DDHD1: variants seen among roughly 807,000 people sequenced by gnomAD.
DDHD1 encodes phospholipase DDHD1.
DDHD1 carries 49 observed loss-of-function variants against 96.4 expected under a neutral mutation model. That is an observed-to-expected ratio of 0.51 (90% CI 0.40 to 0.64). The LOEUF is 0.64. Ranked by LOEUF, DDHD1 falls within the 30% of genes least tolerant of loss-of-function variation. DDHD1 has a pLI of 0.00. For missense variants in DDHD1, 1,106 were observed against 1,161.2 expected, an observed-to-expected ratio of 0.95 and a Z score of 0.69; for synonymous variants, 442 against 446.5, an observed-to-expected ratio of 0.99 and a Z score of 0.13.
At chr14:53,096,081 TA>T in intron 2 of DDHD1, 1 of 942,800 alleles carries the variant, frequency 1.1e-6, no homozygotes. Context: ...GCCAGGAATA[TA>T]ACTACATGGA....
At chr14:53,047,836 T>C (rs1482521835) in intron 12 of DDHD1, among the ~76,000 whole-genome samples, 1 of 152,212 alleles carries the variant, frequency 6.6e-6, no homozygotes, top group Non-Finnish European at 1.5e-5. Flanking sequence ...AATATGACAT[T>C]TTGATCCTTA....
chr14:53,152,223 G>A, intron 1 of DDHD1, 38 bp downstream of exon 1: 2 of 1,549,460 alleles, frequency 1.3e-6, no homozygotes, highest in Non-Finnish European at 8.7e-7. Context: ...CCCATGCAGG[G>A]GCAGCCCGTC....
intron 4 of DDHD1, among the ~76,000 whole-genome samples, chr14:53,090,041 AC>A (rs778974231): frequency 1.3e-5 from 2 of 152,230 alleles, no homozygotes; most frequent in Non-Finnish European, 2.9e-5. Context: ...AAGTCAAAGA[AC>A]CTCATCAAAA....
intron 12 of DDHD1, among the ~76,000 whole-genome samples, chr14:53,050,277 G>A (rs1056651362): frequency 2.0e-5 from 3 of 152,152 alleles, no homozygotes; most frequent in Admixed American, 6.5e-5. Context: ...AGAAATACAA[G>A]TTAGTTTTCT....
At chr14:53,115,181 A>G (rs1271199062) in intron 1 of DDHD1, among the ~76,000 whole-genome samples, 2 of 152,240 alleles carry the variant, frequency 1.3e-5, no homozygotes, top group Non-Finnish European at 2.9e-5. Context: ...AGAGAAAAAA[A>G]GAATGAAAAG....
At chr14:53,120,628 CT>C (rs1257364594) in intron 1 of DDHD1, among the ~76,000 whole-genome samples, 3 of 152,104 alleles carry the variant, frequency 2.0e-5, no homozygotes, top group African/African-American at 7.2e-5. Context: ...GAACAGAGAC[CT>C]CAGAAATAGC....
intron 1 of DDHD1, among the ~76,000 whole-genome samples, chr14:53,112,555 T>C (rs1888190222): frequency 6.6e-6 from 1 of 152,248 alleles, no homozygotes; most frequent in Non-Finnish European, 1.5e-5. Context: ...ACTAAGTTTT[T>C]TGCATGCTCT....
At position 53,038,916 on chromosome 14, in the gene DDHD1, GA is replaced by G. The variant is rs1287264819; in HGVS notation, c.*7851del. 6.6e-6 allele frequency: 1 copy of G among 152,210 alleles called. No individual in the cohort carries two copies. Among genetic ancestry groups the G allele is most frequent in the East Asian group, 1.9e-4 (1 of 5,198 alleles). 9.4% of individuals were successfully genotyped at this position (152,210 alleles called of 1,614,324 possible). A position where few individuals can be genotyped will look rare whatever the true frequency, so the allele number is the denominator to read the frequency against. On this transcript the variant is annotated 3_prime_UTR_variant, in exon 13 of 13. Coordinates refer to ENST00000673822, the MANE Select transcript of DDHD1 (RefSeq NM_001160148.2). ...CAGCCAATAGATCTTCAGCAAAGCT[GA>G]TACAAGCAAGCAATGGGGAAAGGAA...
chr14:53,144,702 G>C (rs984779156), intron 1 of DDHD1, among the ~76,000 whole-genome samples: 1 of 152,196 alleles, frequency 6.6e-6, no homozygotes, highest in Non-Finnish European at 1.5e-5. Flanking sequence ...TACAGAATGA[G>C]AATAACAGAC....
rs1432740229 is a variant in DDHD1, at chr14:53,153,099, G to A, written c.-1C>T. On this transcript the variant is annotated 5_prime_UTR_variant, in exon 1 of 13. Transcript: ENST00000673822. ...GGGACCCGCGGCCCGGGTAATTCAT[G>A]CTGTGGAGACGCCGCCGGCTGTCCG... The A allele has an allele frequency of 1.4e-6, 2 of 1,406,946 alleles. No homozygotes were observed. The highest frequency in any genetic ancestry group is 1.6e-5 in the South Asian group (1 of 63,760). 87.2% of individuals were successfully genotyped at this position (1,406,946 alleles called of 1,614,324 possible). A position where few individuals can be genotyped will look rare whatever the true frequency, so the allele number is the denominator to read the frequency against.
intron 1 of DDHD1, among the ~76,000 whole-genome samples, chr14:53,117,616 C>T (rs1047067582): frequency 6.6e-6 from 1 of 151,998 alleles, no homozygotes; most frequent in Non-Finnish European, 1.5e-5. Context: ...ATTGCTGGGG[C>T]TTAAGTAGCT....
chr14:53,057,599 A>G (rs1455203298), intron 9 of DDHD1, among the ~76,000 whole-genome samples: 1 of 152,202 alleles, frequency 6.6e-6, no homozygotes, highest in African/African-American at 2.4e-5. Flanking sequence ...AGGATTTTTA[A>G]GATTTATGGT....
Position 53,152,486 on chromosome 14 carries a change from G to A in DDHD1, c.613C>T (p.Pro205Ser). 1.2e-6 allele frequency: 2 copies of A among 1,613,126 alleles called. No individual in the cohort carries two copies. Among genetic ancestry groups the A allele is most frequent in the Non-Finnish European group, 1.7e-6 (2 of 1,179,744 alleles). Residue 205 changes from proline (P) to serine (S), a missense_variant, in exon 1 of 13, where the codon CCC becomes TCC. By Grantham distance (74) the Pro-to-Ser change is moderately conservative. This residue lies in a region of DDHD1 where 456 missense variants were observed against 402.4 expected (regional missense o/e 1.13). Transcript: ENST00000673822. The part of the protein sequence containing the change: ...RTLLQTTGAR[P>S]QGGDRDGDHV... ...TCGCCGTCCCGGTCCCCGCCCTGGGGCCGGGCACCCGTGGTCTGCAGCAGG... is the reference window on the plus strand; with the variant it reads ...TCGCCGTCCCGGTCCCCGCCCTGGGACCGGGCACCCGTGGTCTGCAGCAGG...
At chr14:53,048,135 T>G (rs1219116970) in intron 12 of DDHD1, among the ~76,000 whole-genome samples, 6 of 152,242 alleles carry the variant, frequency 3.9e-5, no homozygotes, top group African/African-American at 1.2e-4. Flanking sequence ...ATAGGTATTT[T>G]GTGACAATAC....
rs145960430 is a variant in DDHD1 at position 53,093,401 on chromosome 14, G to A, written c.1056C>T (p.His352=). The A allele has an allele frequency of 8.8e-5, 142 of 1,612,540 alleles. No homozygotes were observed. Among genetic ancestry groups the A allele is most frequent in the African/African-American group, 1.5e-4 (11 of 74,872 alleles). The change falls in exon 3 of 13, where the codon CAC becomes CAT. Residue 352 remains histidine (H), a synonymous_variant. Transcript: ENST00000673822. The stretch of plus-strand genomic sequence containing the variant: ...TATAAAGATATACTTCATCCACACT[G>A]TGCCAGTCCACATGGTTTCGACTCA... ...FKLSRNHVDW[H]SVDEVYLYSD... is the part of the protein sequence containing the mutation.
chr14:53,049,096 A>G (rs1882302341), intron 12 of DDHD1: 1 of 152,204 alleles, frequency 6.6e-6, no homozygotes, highest in Non-Finnish European at 1.5e-5. Context: ...TATTCTTAAT[A>G]TGCTATTACT....
Position 53,091,840 on chromosome 14 carries a change from C to T in DDHD1, c.1234G>A (p.Val412Met). The T allele has an allele frequency of 6.2e-7, 1 of 1,613,836 alleles. No homozygotes were observed. The highest frequency in any genetic ancestry group is 8.5e-7 in the Non-Finnish European group (1 of 1,179,870). ...PSQTTHIVFV[V>M]HGIGQKMDQG... is the part of the protein sequence containing the mutation. ...TCCATTTTCTGCCCAATGCCATGCA[C>T]AACAAATACAATATGGGTAGTCTGT... The change falls in exon 4 of 13, where the codon GTG becomes ATG. Residue 412 changes from valine to methionine, a missense_variant. By Grantham distance (21) the Val-to-Met change is conservative (BLOSUM62 1). Around this residue, in one of 2 missense-constraint regions of DDHD1, gnomAD observed 650 missense variants for 758.8 expected, o/e 0.86. Coordinates refer to ENST00000673822, the MANE Select transcript of DDHD1 (RefSeq NM_001160148.2).
chr14:53,058,442 C>T (rs776303207), intron 9 of DDHD1, 35 bp downstream of exon 9: 1 of 1,574,314 alleles, frequency 6.4e-7, no homozygotes, highest in African/African-American at 1.4e-5. Context: ...AACAATTTGA[C>T]ATTGAGAAAA....
intron 1 of DDHD1, among the ~76,000 whole-genome samples, chr14:53,116,291 C>G (rs1236674819): frequency 6.6e-6 from 1 of 152,098 alleles, no homozygotes; most frequent in African/African-American, 2.4e-5. Context: ...ACTTTAACTA[C>G]CACTGTCAAT....
Sources: gnomAD v4.1 joint callset for allele counts (sites outside exome capture counted in the v4.1 genomes callset) on GRCh38, gnomAD v4.1.1 for gene constraint, gnomAD v4.1.1 regional missense constraint, MANE v1.5 for transcripts, NCBI Gene and HGNC (gene_info 2026-07-23, HGNC 2026-07-21) for gene names.